Variants in WWTR1 observed in about 807,000 individuals in gnomAD.
WWTR1 encodes WW domain-containing transcription regulator protein 1.
WWTR1 carries 13 observed loss-of-function variants against 40.1 expected under a neutral mutation model. The observed-to-expected ratio is 0.32, with a 90% confidence interval of 0.21 to 0.52. The LOEUF (loss-of-function observed/expected upper bound fraction) is 0.52. Ranked by LOEUF, WWTR1 falls within the 20% of genes least tolerant of loss-of-function variation. WWTR1 has a pLI of 0.97. For synonymous variants in WWTR1, 230 were observed against 210.1 expected (o/e 1.09, Z -0.82); for missense variants, 436 against 523.1 (o/e 0.83, Z 1.63).
chr3:149,587,102 T>C (rs1260681489), intron 2 of WWTR1, among the ~76,000 whole-genome samples: 1 of 152,136 alleles, frequency 6.6e-6, no homozygotes, highest in Non-Finnish European at 1.5e-5. Context: ...GAAGCACAGG[T>C]CACCACCTGT....
intron 1 of WWTR1, among the ~76,000 whole-genome samples, chr3:149,696,846 T>C (rs1469319054): frequency 6.6e-6 from 1 of 152,192 alleles, no homozygotes; most frequent in Non-Finnish European, 1.5e-5. Context: ...GTCTTCAGTT[T>C]ACCCCTCCCC....
chr3:149,659,261 G>A (rs1204279463), upstream of WWTR1: 1 of 151,794 alleles, frequency 6.6e-6, no homozygotes, highest in East Asian at 1.9e-4. Context: ...CACAGCACCG[G>A]GCTGGTTACG....
chr3:149,686,964 A>G (rs886985069), intron 1 of WWTR1, among the ~76,000 whole-genome samples: 2 of 152,128 alleles, frequency 1.3e-5, no homozygotes, highest in South Asian at 2.1e-4. Flanking sequence ...CTGTCGTCCA[A>G]CTACCTCACC....
intron 2 of WWTR1, among the ~76,000 whole-genome samples, chr3:149,653,042 T>A (rs1029797989): frequency 2.0e-5 from 3 of 152,204 alleles, no homozygotes; most frequent in Admixed American, 2.0e-4. Context: ...ACTAAAATTG[T>A]CACTAAAAAT....
intron 3 of WWTR1, among the ~76,000 whole-genome samples, chr3:149,549,072 A>G (rs887098641): frequency 6.6e-6 from 1 of 152,230 alleles, no homozygotes; most frequent in African/African-American, 2.4e-5. Context: ...TAAATGGATG[A>G]AGGAGAGACA....
chr3:149,552,607 C>T (rs1736658382), intron 3 of WWTR1, among the ~76,000 whole-genome samples: 1 of 152,176 alleles, frequency 6.6e-6, no homozygotes, highest in African/African-American at 2.4e-5. Context: ...AGCATAGTTG[C>T]CTGCTTAGCC....
intron 3 of WWTR1, among the ~76,000 whole-genome samples, chr3:149,546,724 A>G (rs947261464): frequency 6.6e-6 from 1 of 152,210 alleles, no homozygotes; most frequent in Non-Finnish European, 1.5e-5. Context: ...TGTAAGCTTC[A>G]AACTCAATAT....
chr3:149,686,440 G>A (rs1231488251), intron 1 of WWTR1, among the ~76,000 whole-genome samples: 1 of 152,082 alleles, frequency 6.6e-6, no homozygotes, highest in Non-Finnish European at 1.5e-5. Context: ...GATCCCTTGA[G>A]GCCAGGAGTT....
chr3:149,549,279 C>T (rs531522941), intron 3 of WWTR1, among the ~76,000 whole-genome samples: 1 of 152,182 alleles, frequency 6.6e-6, no homozygotes, highest in Admixed American at 6.5e-5. Context: ...GCCAGGTGAT[C>T]AAGGTCAACA....
At chr3:149,613,384 C>A (rs1306192377) in intron 2 of WWTR1, among the ~76,000 whole-genome samples, 3 of 152,050 alleles carry the variant, frequency 2.0e-5, no homozygotes, top group African/African-American at 7.2e-5. Flanking sequence ...AGAGGCAAGA[C>A]CCAGGGACCA....
intron 5 of WWTR1, among the ~76,000 whole-genome samples, chr3:149,713,530 G>A (rs933317119): frequency 1.3e-5 from 2 of 151,882 alleles, no homozygotes; most frequent in South Asian, 2.1e-4. Context: ...ACAGGTACCC[G>A]CCACCACGCC....
chr3:149,541,004 A>AG lies in WWTR1; in HGVS notation c.771+1330_771+1331insC, dbSNP rs1257932258. On this transcript the variant is annotated intron_variant, in intron 4 of 6. Coordinates refer to ENST00000360632, the MANE Select transcript of WWTR1 (RefSeq NM_015472.6). ...AAGTATCAAATGTAGCTTTAAAAAA[A>AG]CAGCATTTACCCTAACATGCTCGGT... The AG allele has an allele frequency of 1.3e-5, 6 of 454,934 alleles. No homozygotes were observed. In the East Asian group the frequency reaches 3.5e-4, roughly 26 times the overall value. 28.2% of individuals were successfully genotyped at this position (454,934 alleles called of 1,614,324 possible).
intron 1 of WWTR1, 47 bp from the exon 2 acceptor site, chr3:149,657,356 G>A (rs767310383): frequency 5.2e-6 from 8 of 1,548,870 alleles, no homozygotes; most frequent in African/African-American, 1.4e-5. Context: ...GTCGGAGGAA[G>A]TGGGTAAGAG....
intron 3 of WWTR1, among the ~76,000 whole-genome samples, chr3:149,568,296 T>C (rs1157850237): frequency 1.4e-5 from 2 of 146,502 alleles, no homozygotes; most frequent in Admixed American, 6.6e-5. Context: ...TGAGGCAGGA[T>C]AATTGCTTGA....
rs796895296 is a variant in WWTR1 at position 149,664,892 on chromosome 3, A to G, written c.-4+4896T>C. Among the ~76,000 whole-genome samples, 6 of 152,136 alleles carry G rather than the reference A, an allele frequency of 3.9e-5. No homozygotes were observed. The South Asian group carries it at 8.3e-4, about 21-fold the overall frequency. On this transcript the variant is annotated intron_variant, in intron 2 of 7. Transcript: ENST00000465804. ...GAGTGAACCACCGCGCCCGGCCAGAAGGCACTATCTTTTGTCTGATGTTAT... is the reference window on the plus strand; with the variant it reads ...GAGTGAACCACCGCGCCCGGCCAGAGGGCACTATCTTTTGTCTGATGTTAT...
At chr3:149,624,727 T>C (rs1465810642) in intron 2 of WWTR1, among the ~76,000 whole-genome samples, 1 of 152,026 alleles carries the variant, frequency 6.6e-6, no homozygotes, top group African/African-American at 2.4e-5. Flanking sequence ...TTAGATGGAG[T>C]TTGACTCTGT....
At chr3:149,521,896 T>C (rs1735065450) in intron 6 of WWTR1, among the ~76,000 whole-genome samples, 1 of 152,210 alleles carries the variant, frequency 6.6e-6, no homozygotes, top group African/African-American at 2.4e-5. Flanking sequence ...CATATGCTCC[T>C]TTTACAAAAG....
At chr3:149,618,502 G>A (rs918231237) in intron 2 of WWTR1, among the ~76,000 whole-genome samples, 4 of 152,190 alleles carry the variant, frequency 2.6e-5, no homozygotes, top group East Asian at 1.9e-4. Context: ...CACAGCCAGC[G>A]TTTGAAGCTC....
chr3:149,676,462 G>A (rs915384293), intron 1 of WWTR1, among the ~76,000 whole-genome samples: 10 of 151,824 alleles, frequency 6.6e-5, no homozygotes, highest in South Asian at 2.1e-4. Flanking sequence ...TTTTTTTTGC[G>A]GAAAGAAGGA....
Sources: gnomAD v4.1 joint callset for allele counts (sites outside exome capture counted in the v4.1 genomes callset) on GRCh38, gnomAD v4.1.1 for gene constraint, MANE v1.5 for transcripts, NCBI Gene and HGNC (gene_info 2026-07-23, HGNC 2026-07-21) for gene names.